The following CCDC102B variants were observed in gnomAD, a reference collection of about 807,000 sequenced individuals.
CCDC102B encodes the protein coiled-coil domain containing 102B.
A neutral mutation model predicts 57.4 loss-of-function variants in CCDC102B; 75 were observed. That is an observed-to-expected ratio of 1.31 (90% CI 1.08 to 1.58). CCDC102B has a LOEUF of 1.58. Among genes scored for constraint, CCDC102B ranks in the 40% most tolerant of loss-of-function variants. CCDC102B has a pLI of 0.00. For synonymous variants in CCDC102B, 206 were observed against 201.9 expected, an observed-to-expected ratio of 1.02 and a Z score of -0.17; for missense variants, 636 against 582.6, an observed-to-expected ratio of 1.09 and a Z score of -0.94.
At chr18:69,037,110 T>C (rs1015926225) in intron 7 of CCDC102B, among the ~76,000 whole-genome samples, 89 of 152,078 alleles carry the variant, frequency 5.9e-4, no homozygotes, top group East Asian at 5.8e-4. Flanking sequence ...CTGCATTGCA[T>C]GAGCTTCATT....
At chr18:68,954,058 T>G (rs1009558223) in intron 6 of CCDC102B, among the ~76,000 whole-genome samples, 7 of 149,396 alleles carry the variant, frequency 4.7e-5, no homozygotes, top group South Asian at 2.1e-4. Flanking sequence ...TAGATAATAG[T>G]TTTTTTTTTA....
downstream of CCDC102B, among the ~76,000 whole-genome samples, chr18:69,057,290 G>A (rs984007551): frequency 6.6e-6 from 1 of 152,044 alleles, no homozygotes; most frequent in Non-Finnish European, 1.5e-5. Flanking sequence ...AAACATATTT[G>A]TGTTGCTTAC....
chr18:68,850,963 A>C (rs2038096360), intron 4 of CCDC102B, among the ~76,000 whole-genome samples: 1 of 152,090 alleles, frequency 6.6e-6, no homozygotes, highest in South Asian at 2.1e-4. Context: ...GCAACACGTA[A>C]TATTTTAAAA....
chr18:68,836,687 T>C, intron 1 of CCDC102B, 62 bp from the exon 2 acceptor site: 2 of 1,309,192 alleles, frequency 1.5e-6, no homozygotes, highest in South Asian at 1.4e-5. Context: ...AAAGTGTAGG[T>C]CTTGTTCCTG....
chr18:68,765,525 T>G (rs1280011123), intron 2 of CCDC102B, among the ~76,000 whole-genome samples: 2 of 151,514 alleles, frequency 1.3e-5, no homozygotes, highest in Non-Finnish European at 2.9e-5. Flanking sequence ...GAGAAAGAAA[T>G]AGAAAGAGAA....
chr18:68,777,921 T>C (rs2034878979), intron 2 of CCDC102B, among the ~76,000 whole-genome samples: 1 of 152,126 alleles, frequency 6.6e-6, no homozygotes, highest in South Asian at 2.1e-4. Flanking sequence ...AAAGGAAGAT[T>C]CCCATTACTT....
At chr18:68,958,557 T>C (rs922649032) in intron 6 of CCDC102B, among the ~76,000 whole-genome samples, 1 of 152,214 alleles carries the variant, frequency 6.6e-6, no homozygotes, top group Non-Finnish European at 1.5e-5. Flanking sequence ...TATTGACCTA[T>C]AGTTTTCTTT....
At chr18:68,905,700 G>A (rs1230674367) in intron 6 of CCDC102B, among the ~76,000 whole-genome samples, 2 of 149,646 alleles carry the variant, frequency 1.3e-5, no homozygotes, top group Non-Finnish European at 3.0e-5. Flanking sequence ...CCTAGCAACC[G>A]CACTTCTGCT....
chr18:69,027,967 G>A lies in CCDC102B; in HGVS notation c.1434+16863G>A, dbSNP rs370297837. Among the ~76,000 whole-genome samples the A allele has an allele frequency of 4.6e-5, 7 of 152,196 alleles. No homozygotes were observed. In the East Asian group the frequency reaches 9.7e-4, roughly 21 times the overall value. On this transcript the variant is annotated intron_variant, in intron 7 of 7. Coordinates refer to ENST00000360242, the MANE Select transcript of CCDC102B (RefSeq NM_024781.3). Reference sequence around the variant, plus strand: ...TTACTGTGTCCCAGGTCCTCAATGAGGCAACCATGGTATAATAGTAATAGA... The same window carrying A: ...TTACTGTGTCCCAGGTCCTCAATGAAGCAACCATGGTATAATAGTAATAGA...
chr18:68,851,455 A>G (rs75311755), intron 4 of CCDC102B, among the ~76,000 whole-genome samples: 1 of 152,338 alleles, frequency 6.6e-6, no homozygotes, highest in East Asian at 1.9e-4. Context: ...CTTTGCTGAT[A>G]TAAGTACCTT....
intron 2 of CCDC102B, among the ~76,000 whole-genome samples, chr18:68,720,260 A>C (rs2032252318): frequency 6.6e-6 from 1 of 152,226 alleles, no homozygotes. Flanking sequence ...AACACTGATC[A>C]ATCACCAAAA....
intron 3 of CCDC102B, among the ~76,000 whole-genome samples, chr18:68,842,846 C>T (rs529675582): frequency 6.6e-6 from 1 of 152,234 alleles, no homozygotes; most frequent in South Asian, 2.1e-4. Flanking sequence ...ATGTCAATTT[C>T]CGCTCAAATT....
chr18:68,850,631 G>A (rs1405312398), intron 4 of CCDC102B, among the ~76,000 whole-genome samples: 3 of 152,068 alleles, frequency 2.0e-5, no homozygotes, highest in Non-Finnish European at 2.9e-5. Flanking sequence ...TTTGAGTGGA[G>A]AAGGTTTTCT....
In CCDC102B at chr18:68,889,179, G is replaced by T. The variant is rs1301548576; in HGVS notation, c.1054-8040G>T. 3.3e-5 allele frequency among the ~76,000 whole-genome samples: 5 copies of T among 152,220 alleles called. No homozygotes were observed. In the East Asian group the frequency reaches 7.7e-4, roughly 24 times the overall value. On this transcript the variant is annotated intron_variant, in intron 5 of 7. Transcript: ENST00000360242. ...CATATTGAAAACTTAATCCTAGGGT[G>T]ATAGTTTTAGAAGGTGGGATGTTTG...
chr18:69,026,903 T>C (rs951342084), intron 7 of CCDC102B, among the ~76,000 whole-genome samples: 1 of 152,178 alleles, frequency 6.6e-6, no homozygotes, highest in Non-Finnish European at 1.5e-5. Flanking sequence ...GTGTACAATA[T>C]GCATGAGCAC....
chr18:68,885,157 T>C (rs1056028656), intron 5 of CCDC102B, among the ~76,000 whole-genome samples: 22 of 151,984 alleles, frequency 1.4e-4, no homozygotes, highest in African/African-American at 5.1e-4. Context: ...TCTTAGGACA[T>C]GGATACATGA....
At chr18:68,904,674 T>C (rs1379544589) in intron 6 of CCDC102B, among the ~76,000 whole-genome samples, 2 of 152,146 alleles carry the variant, frequency 1.3e-5, no homozygotes, top group African/African-American at 4.8e-5. Context: ...TGCTCATGCC[T>C]ACTCTCAAAT....
intron 1 of CCDC102B, among the ~76,000 whole-genome samples, chr18:68,800,034 A>G (rs1348895370): frequency 2.0e-5 from 3 of 152,028 alleles, no homozygotes; most frequent in African/African-American, 7.3e-5. Flanking sequence ...CCAACACATA[A>G]TAGCATTTTC....
intron 4 of CCDC102B, 87 bp downstream of exon 4, chr18:68,846,508 C>A: frequency 2.5e-6 from 2 of 808,292 alleles, no homozygotes; most frequent in South Asian, 2.0e-5. Flanking sequence ...AAAGGCACAA[C>A]AGATAAGAGG....
Sources: gnomAD v4.1 joint callset for allele counts (sites outside exome capture counted in the v4.1 genomes callset) on GRCh38, gnomAD v4.1.1 for gene constraint, MANE v1.5 for transcripts, NCBI Gene and HGNC (gene_info 2026-07-23, HGNC 2026-07-21) for gene names.